The following ANO3 variants were observed in gnomAD, a reference collection of about 807,000 sequenced individuals.
The protein encoded by ANO3 is anoctamin-3.
Under a neutral mutation model 144.8 loss-of-function variants are expected in ANO3, and 99 were observed. The ratio of observed to expected loss-of-function variants is 0.68; its 90% CI spans 0.58 to 0.81. The LOEUF (loss-of-function observed/expected upper bound fraction) is 0.81. ANO3 is among the 30% of genes least tolerant of loss of function. ANO3 has a pLI of 0.00. For synonymous variants in ANO3, 414 were observed against 392.6 expected, an observed-to-expected ratio of 1.05 and a Z score of -0.64; for missense variants, 905 against 1,202.2, an observed-to-expected ratio of 0.75 and a Z score of 3.66.
intron 1 of ANO3, among the ~76,000 whole-genome samples, chr11:26,209,784 C>A (rs1185717807): frequency 1.3e-5 from 2 of 151,638 alleles, no homozygotes; most frequent in Non-Finnish European, 2.9e-5. Flanking sequence ...ACATAAATAT[C>A]TTCTTTTGAT....
In ANO3 at chr11:26,643,344, G is replaced by A. The variant is rs767195415; in HGVS notation, c.2428+10G>A. On this transcript the variant is annotated intron_variant, in intron 23 of 26. Coordinates refer to ENST00000256737, the MANE Select transcript of ANO3 (RefSeq NM_031418.4). The stretch of plus-strand genomic sequence containing the variant: ...CGAGCAACTGACATAGGTAAGATTC[G>A]GAAGTTAAATGATTTTTACGTTGCT... 2.2e-5 allele frequency: 36 copies of A among 1,613,204 alleles called. No individual in the cohort carries two copies. The Admixed American group carries it at 2.7e-4, about 12-fold the overall frequency.
chr11:26,209,037 G>T (rs892908216), intron 1 of ANO3, among the ~76,000 whole-genome samples: 2 of 152,268 alleles, frequency 1.3e-5, no homozygotes, highest in Non-Finnish European at 1.5e-5. Flanking sequence ...GGTTACATGT[G>T]CAGAATGTGT....
At chr11:26,554,827 G>A (rs988556053) in intron 13 of ANO3, among the ~76,000 whole-genome samples, 10 of 152,118 alleles carry the variant, frequency 6.6e-5, no homozygotes, top group Admixed American at 6.6e-4. Flanking sequence ...TAATGTGAGC[G>A]TTGTTTGTTT....
chr11:26,315,670 T>TATCTATCTATCC (rs1854607494), intron 1 of ANO3, among the ~76,000 whole-genome samples: 3 of 144,020 alleles, frequency 2.1e-5, no homozygotes, highest in African/African-American at 7.7e-5. Context: ...TCTATCTATC[T>TATCTATCTATCC]ATCTATCTAT....
intron 1 of ANO3, among the ~76,000 whole-genome samples, chr11:26,364,206 C>G (rs1465506065): frequency 6.6e-6 from 1 of 152,112 alleles, no homozygotes; most frequent in Non-Finnish European, 1.5e-5. Context: ...TTTTTTAGTT[C>G]CATATAGAAT....
At chr11:26,404,650 AT>A (rs1393068873) in intron 1 of ANO3, among the ~76,000 whole-genome samples, 1 of 151,730 alleles carries the variant, frequency 6.6e-6, no homozygotes, top group Non-Finnish European at 1.5e-5. Flanking sequence ...TTTTGTTTGT[AT>A]TTCCATAAGA....
intron 14 of ANO3, among the ~76,000 whole-genome samples, chr11:26,573,235 C>G (rs1375740713): frequency 6.6e-6 from 1 of 151,930 alleles, no homozygotes; most frequent in Non-Finnish European, 1.5e-5. Context: ...TTAATTGGCC[C>G]GAGGAAAGAA....
chr11:26,615,379 T>C (rs10835019), intron 17 of ANO3, among the ~76,000 whole-genome samples: 101,323 of 145,526 alleles, frequency 0.7, 36,418 homozygotes, highest in East Asian at 0.84. Flanking sequence ...CAATACTGTC[T>C]AAGCTTCTGT....
chr11:26,246,456 T>TTATATATATA (rs150219099), intron 1 of ANO3, among the ~76,000 whole-genome samples: 233 of 140,022 alleles, frequency 1.7e-3, no homozygotes, highest in African/African-American at 3.4e-3. Context: ...AGTGTAGTCT[T>TTATATATATA]TATATATATA....
At chr11:26,251,374 C>T (rs953540232) in intron 1 of ANO3, among the ~76,000 whole-genome samples, 13 of 152,134 alleles carry the variant, frequency 8.5e-5, no homozygotes, top group African/African-American at 2.9e-4. Context: ...AAATCCAATG[C>T]AATGGATGTT....
intron 1 of ANO3, among the ~76,000 whole-genome samples, chr11:26,340,841 C>T (rs1471004474): frequency 6.6e-6 from 1 of 152,154 alleles, no homozygotes; most frequent in Non-Finnish European, 1.5e-5. Flanking sequence ...ATGGCATTGG[C>T]TGTCTTGTCT....
intron 4 of ANO3, among the ~76,000 whole-genome samples, chr11:26,474,447 T>G (rs1170578779): frequency 6.6e-6 from 1 of 151,886 alleles, no homozygotes. Context: ...ACATAAAATA[T>G]ATTTACCTTT....
rs1345432461 is a variant in ANO3, at chr11:26,643,126, C to A, written c.2276-56C>A. On this transcript the variant is annotated intron_variant, in intron 22 of 26. Coordinates refer to ENST00000256737, the MANE Select transcript of ANO3 (RefSeq NM_031418.4). ...ATTAAAAGCAATTTATATAAAGCAC[C>A]AAATTTGTCACAAAGGAAGTTTATA... The A allele has an allele frequency of 4.5e-6, 7 of 1,559,224 alleles. No individual in the cohort carries two copies. The Admixed American group carries it at 1.1e-4, about 23-fold the overall frequency.
chr11:26,343,549 C>T (rs1349185291), intron 1 of ANO3, among the ~76,000 whole-genome samples: 1 of 152,108 alleles, frequency 6.6e-6, no homozygotes, highest in Non-Finnish European at 1.5e-5. Context: ...CCTTGCCACT[C>T]ACGACTCCGT....
chr11:26,298,432 A>T (rs762152949), intron 1 of ANO3, among the ~76,000 whole-genome samples: 4 of 152,204 alleles, frequency 2.6e-5, no homozygotes, highest in Non-Finnish European at 4.4e-5. Flanking sequence ...CTACACATGG[A>T]AATATGAGGG....
At chr11:26,492,370 C>T (rs548321302) in intron 4 of ANO3, among the ~76,000 whole-genome samples, 1 of 152,240 alleles carries the variant, frequency 6.6e-6, no homozygotes, top group African/African-American at 2.4e-5. Context: ...GGTCATTCTA[C>T]TTATATAATG....
intron 1 of ANO3, among the ~76,000 whole-genome samples, chr11:26,221,830 T>C (rs763188000): frequency 7.9e-5 from 12 of 152,098 alleles, no homozygotes; most frequent in Non-Finnish European, 1.6e-4. Flanking sequence ...AAGAACTCAC[T>C]CATTCACTCA....
At chr11:26,436,603 C>T (rs1442330892) in intron 1 of ANO3, among the ~76,000 whole-genome samples, 13 of 151,892 alleles carry the variant, frequency 8.6e-5, no homozygotes, top group Admixed American at 8.5e-4. Context: ...GGCTGGGGAC[C>T]TTGGTCAGGA....
At chr11:26,441,679 A>C (rs1590361857) in intron 1 of ANO3, among the ~76,000 whole-genome samples, 2 of 152,276 alleles carry the variant, frequency 1.3e-5, no homozygotes, top group South Asian at 4.1e-4. Context: ...CAGAACTTTT[A>C]AAGGAGTGGT....
Sources: allele counts gnomAD v4.1 joint callset (sites outside exome capture counted in the v4.1 genomes callset), GRCh38; gene constraint gnomAD v4.1.1; transcripts MANE v1.5; gene names NCBI Gene and HGNC (gene_info 2026-07-23, HGNC 2026-07-21).